Variants in CD109 observed in about 807,000 individuals in gnomAD.
CD109 encodes CD109 antigen.
Under a neutral mutation model 165.8 loss-of-function variants are expected in CD109, and 149 were observed. That is an observed-to-expected ratio of 0.90 (90% CI 0.79 to 1.03). CD109 has a LOEUF of 1.03. CD109 is among the 50% of genes least tolerant of loss of function. CD109 has a pLI of 0.00. For synonymous variants in CD109, 585 were observed against 592.1 expected, an observed-to-expected ratio of 0.99 and a Z score of 0.18; for missense variants, 1,712 against 1,677.8, an observed-to-expected ratio of 1.02 and a Z score of -0.36.
chr6:73,741,181 C>T (rs1300214333), intron 5 of CD109, among the ~76,000 whole-genome samples: 1 of 151,910 alleles, frequency 6.6e-6, no homozygotes, highest in East Asian at 1.9e-4. Flanking sequence ...CTCTTAAAAT[C>T]AGTAAAGTTT....
chr6:73,737,587 C>A (rs942660300), intron 5 of CD109, among the ~76,000 whole-genome samples: 2 of 152,276 alleles, frequency 1.3e-5, no homozygotes, highest in East Asian at 3.9e-4. Context: ...TCAGTGAGGT[C>A]TTTGCTTATT....
the CD109 span, among the ~76,000 whole-genome samples, chr6:73,681,423 T>C: frequency 6.6e-6 from 1 of 151,790 alleles, no homozygotes; most frequent in Non-Finnish European, 1.5e-5. Context: ...TATGGTATTA[T>C]TGTATTAGTC....
chr6:73,798,752 C>T (rs1775258807), intron 23 of CD109, among the ~76,000 whole-genome samples: 1 of 152,038 alleles, frequency 6.6e-6, no homozygotes, highest in Admixed American at 6.5e-5. Context: ...TGGAGGTCAG[C>T]CACCTGAGGG....
In CD109 at chr6:73,811,069, C is replaced by T. The variant is rs773188902; in HGVS notation, c.3624C>T (p.Thr1208=). 2.7e-5 allele frequency: 43 copies of T among 1,613,284 alleles called. No individual in the cohort carries two copies. Among genetic ancestry groups the T allele is most frequent in the Non-Finnish European group, 3.1e-5 (36 of 1,179,604 alleles). ...CAGAAAGGACAAATATCCAAGTGAC[C>T]GTGACGGGGCCTAGCTCACCAAGTC... The part of the protein sequence containing the change: ...MNTERTNIQV[T]VTGPSSPSPV... The change falls in exon 28 of 33, where the codon ACC becomes ACT. Residue 1208 remains threonine (T), a synonymous_variant. Transcript: ENST00000287097.
Position 73,753,152 on chromosome 6 carries a change from G to T in CD109, c.634-3491G>T, listed in dbSNP as rs926477238. Among the ~76,000 whole-genome samples, 3 of 152,284 alleles carry T rather than the reference G, an allele frequency of 2.0e-5. No individual in the cohort carries two copies. In the East Asian group the frequency reaches 5.8e-4, roughly 29 times the overall value. ...AGTCGTGCTCGTTTGTTTACAAATT[G>T]TGTCTGGCTACATTTGCATTGCAAC... On this transcript the variant is annotated intron_variant, in intron 5 of 32. Transcript: ENST00000287097.
chr6:73,688,661 G>A, the CD109 span, among the ~76,000 whole-genome samples: 9 of 151,862 alleles, frequency 5.9e-5, no homozygotes, highest in Non-Finnish European at 1.0e-4. Context: ...CTCATCCTCT[G>A]GAGAGGGGAG....
chr6:73,684,181 G>T, the CD109 span, among the ~76,000 whole-genome samples: 2 of 151,306 alleles, frequency 1.3e-5, no homozygotes, highest in Admixed American at 6.6e-5. Context: ...ATTTTTTGAG[G>T]AGCCTCTGTA....
chr6:73,696,191 T>C (rs769277474), upstream of CD109: 117 of 1,543,198 alleles, frequency 7.6e-5, no homozygotes, highest in Non-Finnish European at 9.3e-5. Flanking sequence ...GGCAGCGGAC[T>C]GTAGCCCAGG....
intron 17 of CD109, among the ~76,000 whole-genome samples, chr6:73,781,828 C>CAA (rs1459695549): frequency 1.0e-3 from 128 of 125,890 alleles, no homozygotes; most frequent in African/African-American, 3.8e-3. Context: ...CACACACACA[C>CAA]ACACACACCC....
At chr6:73,716,468 C>T (rs1771749675) in intron 2 of CD109, among the ~76,000 whole-genome samples, 1 of 152,186 alleles carries the variant, frequency 6.6e-6, no homozygotes, top group South Asian at 2.1e-4. Context: ...GGATAAAAGC[C>T]ATTTTAACTG....
chr6:73,750,072 G>A (rs918263380), intron 5 of CD109, among the ~76,000 whole-genome samples: 5 of 152,168 alleles, frequency 3.3e-5, no homozygotes, highest in African/African-American at 1.2e-4. Context: ...GGGGACTGCG[G>A]TAAGAGAGCA....
intron 2 of CD109, among the ~76,000 whole-genome samples, chr6:73,705,560 T>C (rs1208707562): frequency 6.6e-6 from 1 of 152,108 alleles, no homozygotes; most frequent in East Asian, 1.9e-4. Context: ...GAGGATTTCT[T>C]GAGCTACAGT....
At chr6:73,759,965 A>G (rs949264667) in intron 7 of CD109, among the ~76,000 whole-genome samples, 1 of 152,086 alleles carries the variant, frequency 6.6e-6, no homozygotes, top group East Asian at 1.9e-4. Flanking sequence ...GAGTTGATCC[A>G]GATGAGGGGC....
At chr6:73,696,436 G>T in intron 1 of CD109, 147 bp downstream of exon 1, 1 of 594,712 alleles carries the variant, frequency 1.7e-6, no homozygotes, top group Non-Finnish European at 2.6e-6. Context: ...CCTGGTACTG[G>T]CCTGGAGGTT....
intron 32 of CD109, among the ~76,000 whole-genome samples, chr6:73,822,386 T>C (rs1776135891): frequency 1.3e-5 from 2 of 152,216 alleles, no homozygotes. Flanking sequence ...TCATAGAGTA[T>C]TCAAGACTAA....
At chr6:73,729,907 G>GC (rs1772296908) in intron 3 of CD109, among the ~76,000 whole-genome samples, 1 of 152,146 alleles carries the variant, frequency 6.6e-6, no homozygotes, top group African/African-American at 2.4e-5. Context: ...TTAGGAGAAT[G>GC]CATCTCAGAA....
chr6:73,699,406 G>A (rs1484474502), intron 2 of CD109, among the ~76,000 whole-genome samples: 2 of 152,140 alleles, frequency 1.3e-5, no homozygotes, highest in African/African-American at 2.4e-5. Context: ...CACTAGTGTG[G>A]CAGTTTTCCT....
Position 73,763,682 on chromosome 6 carries a change from C to T in CD109, c.1104C>T (p.Ala368=). The T allele has an allele frequency of 1.3e-6, 2 of 1,505,686 alleles. No homozygotes were observed. The highest frequency in any genetic ancestry group is 4.6e-5 in the East Asian group (2 of 43,888). The allele number at this position is 1,505,686 out of a possible 1,614,324, so 93.3% of individuals were successfully genotyped here. ...TGAAGCCATCTCTCAACTTCACAGCCACTGTAAGTTGGTATATTTATTTCC... is the reference window on the plus strand; with the variant it reads ...TGAAGCCATCTCTCAACTTCACAGCTACTGTAAGTTGGTATATTTATTTCC... ...TVLKPSLNFT[A]TVKVTRADGN... Residue 368 remains alanine, a synonymous_variant, in exon 10 of 33, where the codon GCC becomes GCT. Transcript: ENST00000287097.
At position 73,787,321 on chromosome 6, in the gene CD109, C is replaced by A; in HGVS notation, c.2425C>A (p.Leu809Met). The A allele has an allele frequency of 6.2e-7, 1 of 1,614,102 alleles. No homozygotes were observed. Among genetic ancestry groups the A allele is most frequent in the South Asian group, 1.1e-5 (1 of 91,078 alleles). ...INATGHQQTLLVPSEDGATVL... is the reference protein window; with the variant it reads ...INATGHQQTLMVPSEDGATVL... ...TGCCACAGGCCACCAGCAGACCCTT[C>A]TGGTTCCCAGTGAGGATGGGGCAAC... The change falls in exon 21 of 33, where the codon CTG (leucine) becomes ATG (methionine). Residue 809 changes from leucine (L) to methionine (M), a missense_variant. By Grantham distance (15) the Leu-to-Met change is conservative. Coordinates refer to ENST00000287097, the MANE Select transcript of CD109 (RefSeq NM_133493.5).
Sources: allele counts gnomAD v4.1 joint callset (sites outside exome capture counted in the v4.1 genomes callset), GRCh38; gene constraint gnomAD v4.1.1; transcripts MANE v1.5; gene names NCBI Gene and HGNC (gene_info 2026-07-23, HGNC 2026-07-21).